Variants in LRRC7 observed in about 807,000 individuals in gnomAD.
LRRC7 encodes leucine rich repeat containing 7.
A neutral mutation model predicts 175.7 loss-of-function variants in LRRC7; 23 were observed. The observed-to-expected ratio is 0.13, with a 90% confidence interval of 0.09 to 0.19. The LOEUF (loss-of-function observed/expected upper bound fraction) is 0.19. Ranked by LOEUF, LRRC7 falls within the 10% of genes least tolerant of loss-of-function variation. LRRC7 has a pLI of 1.00. For missense variants in LRRC7, 1,354 were observed against 1,904.7 expected (o/e 0.71, Z 5.38); for synonymous variants, 685 against 680.9 (o/e 1.01, Z -0.09).
intron 2 of LRRC7, among the ~76,000 whole-genome samples, chr1:69,721,304 A>G (rs897043813): frequency 6.6e-6 from 1 of 151,906 alleles, no homozygotes; most frequent in Non-Finnish European, 1.5e-5. Context: ...CAAATGTATA[A>G]TGACTTATAT....
At chr1:70,056,859 G>A (rs1281551876) in intron 23 of LRRC7, among the ~76,000 whole-genome samples, 1 of 152,166 alleles carries the variant, frequency 6.6e-6, no homozygotes, top group East Asian at 1.9e-4. Flanking sequence ...AATAGTGAGG[G>A]AAAAATGTTT....
At chr1:69,648,411 TCCTGAAAACCAA>T (rs1459961175) in intron 1 of LRRC7, among the ~76,000 whole-genome samples, 2 of 152,098 alleles carry the variant, frequency 1.3e-5, no homozygotes, top group African/African-American at 4.8e-5. Context: ...AGCCTATTAA[TCCTGAAAACCAA>T]TTATTGTCCT....
At chr1:69,735,631 C>A (rs1009872819) in intron 2 of LRRC7, among the ~76,000 whole-genome samples, 3 of 152,028 alleles carry the variant, frequency 2.0e-5, no homozygotes, top group African/African-American at 7.2e-5. Context: ...TGTGTGAATA[C>A]CCTGACTCTA....
intron 11 of LRRC7, among the ~76,000 whole-genome samples, chr1:70,009,959 A>G (rs1179352224): frequency 6.6e-6 from 1 of 152,040 alleles, no homozygotes; most frequent in African/African-American, 2.4e-5. Context: ...CAAATTTTCA[A>G]CCCTTAGTGA....
intron 25 of LRRC7, among the ~76,000 whole-genome samples, chr1:70,092,742 C>G (rs1202659454): frequency 6.6e-6 from 1 of 152,086 alleles, no homozygotes; most frequent in African/African-American, 2.4e-5. Context: ...GATCTACGTT[C>G]TGGGGTAATG....
chr1:69,700,287 C>T (rs1663179526), intron 2 of LRRC7, among the ~76,000 whole-genome samples: 2 of 152,132 alleles, frequency 1.3e-5, no homozygotes, highest in Admixed American at 6.6e-5. Context: ...CCTCAATTTC[C>T]TCTTTGGAAG....
In LRRC7 at chr1:69,790,702, G is replaced by A. The variant is rs114473351; in HGVS notation, c.304-1341G>A. On this transcript the variant is annotated intron_variant, in intron 3 of 26. Coordinates refer to ENST00000651989, the MANE Select transcript of LRRC7 (RefSeq NM_001370785.2). ...AAATTAACTTATACCAGGAGTGTAG[G>A]CATCTGTTTTCCTATTTATTTAGAA... Among the ~76,000 whole-genome samples, 294 of 151,912 alleles carry A rather than the reference G, an allele frequency of 1.9e-3. 1 individual carries two copies. Among genetic ancestry groups the A allele is most frequent in the African/African-American group, 6.7e-3 (280 of 41,494 alleles).
intron 1 of LRRC7, among the ~76,000 whole-genome samples, chr1:69,608,913 C>T (rs1161824638): frequency 6.8e-5 from 9 of 132,838 alleles, no homozygotes; most frequent in South Asian, 2.4e-4. Flanking sequence ...CACACACACA[C>T]ATATATATAA....
At chr1:70,072,940 G>T (rs1662500261) in intron 23 of LRRC7, among the ~76,000 whole-genome samples, 1 of 152,110 alleles carries the variant, frequency 6.6e-6, no homozygotes, top group Non-Finnish European at 1.5e-5. Flanking sequence ...ATGAGGGTGG[G>T]TGTCAATTTG....
In LRRC7 at chr1:70,125,959, ATATT is replaced by A. The variant is rs1558090616; in HGVS notation, c.*4075_*4078del. 6.6e-6 allele frequency among the ~76,000 whole-genome samples: 1 copy of A among 151,734 alleles called. No homozygotes were observed. The highest frequency in any genetic ancestry group is 1.5e-5 in the Non-Finnish European group (1 of 67,956). Reference sequence around the variant, plus strand: ...TTTAATCATAAAATCTATTTAATATATATTTAATATCTATTAATATTTAAGCTTT... The same window carrying A: ...TTTAATCATAAAATCTATTTAATATATAATATCTATTAATATTTAAGCTTT... On this transcript the variant is annotated 3_prime_UTR_variant, in exon 27 of 27. Transcript: ENST00000651989.
intron 7 of LRRC7, among the ~76,000 whole-genome samples, chr1:69,896,640 C>T (rs964496763): frequency 3.9e-5 from 6 of 152,110 alleles, no homozygotes; most frequent in African/African-American, 1.4e-4. Context: ...TATTACTATT[C>T]CACTCATAAA....
chr1:70,088,699 T>C (rs1026922357), intron 24 of LRRC7, among the ~76,000 whole-genome samples: 1 of 152,158 alleles, frequency 6.6e-6, no homozygotes, highest in Non-Finnish European at 1.5e-5. Context: ...CTAACATTTT[T>C]ACCATAGCCC....
chr1:69,953,448 T>A (rs190209620), intron 8 of LRRC7, among the ~76,000 whole-genome samples: 1 of 152,036 alleles, frequency 6.6e-6, no homozygotes, highest in African/African-American at 2.4e-5. Context: ...CCTTATGTCT[T>A]AGTTGTCCCT....
chr1:70,078,743 C>T (rs556890077), intron 24 of LRRC7, among the ~76,000 whole-genome samples: 1 of 151,714 alleles, frequency 6.6e-6, no homozygotes, highest in Non-Finnish European at 1.5e-5. Flanking sequence ...TACCCACCAA[C>T]AACATTCAAA....
intron 2 of LRRC7, among the ~76,000 whole-genome samples, chr1:69,699,067 G>T (rs1161089924): frequency 6.6e-6 from 1 of 152,108 alleles, no homozygotes; most frequent in African/African-American, 2.4e-5. Flanking sequence ...ACAACGTGCG[G>T]TCTTGGTGGG....
intron 7 of LRRC7, among the ~76,000 whole-genome samples, chr1:69,924,640 C>G (rs1277297169): frequency 6.6e-6 from 1 of 152,124 alleles, no homozygotes; most frequent in Non-Finnish European, 1.5e-5. Flanking sequence ...GATTTTTGTA[C>G]ATTGATTTTA....
intron 7 of LRRC7, among the ~76,000 whole-genome samples, chr1:69,875,420 G>C (rs1263332951): frequency 6.6e-6 from 1 of 151,864 alleles, no homozygotes; most frequent in African/African-American, 2.4e-5. Context: ...ACAAGTAAGT[G>C]GAATAACTGT....
intron 1 of LRRC7, among the ~76,000 whole-genome samples, chr1:69,574,135 T>A (rs542482011): frequency 1.4e-4 from 22 of 152,116 alleles, no homozygotes; most frequent in Admixed American, 1.0e-3. Context: ...ATGAGGGAGA[T>A]ATTTAAATGT....
Position 69,575,702 on chromosome 1 carries a change from T to C in LRRC7, c.2+7061T>C, listed in dbSNP as rs188175600. Among the ~76,000 whole-genome samples the C allele has an allele frequency of 2.1e-3, 314 of 152,262 alleles. 2 individuals are homozygous for C. Among genetic ancestry groups the C allele is most frequent in the African/African-American group, 7.2e-3 (301 of 41,546 alleles). ...TAGGATAATGCCAGCTAAATGAATG[T>C]TGGATGATGAAGAAATGTTCAATTC... On this transcript the variant is annotated intron_variant, in intron 1 of 26. Transcript: ENST00000651989.
Sources: allele counts gnomAD v4.1 joint callset (sites outside exome capture counted in the v4.1 genomes callset), GRCh38; gene constraint gnomAD v4.1.1; transcripts MANE v1.5; gene names NCBI Gene and HGNC (gene_info 2026-07-23, HGNC 2026-07-21).